Variants in FBXL18 observed in about 807,000 individuals in gnomAD.
FBXL18 encodes the protein F-box/LRR-repeat protein 18.
Under a neutral mutation model 46.0 loss-of-function variants are expected in FBXL18, and 36 were observed. The observed-to-expected ratio is 0.78, with a 90% CI of 0.60 to 1.03. The LOEUF (loss-of-function observed/expected upper bound fraction) is 1.03. Ranked by LOEUF, FBXL18 falls within the 50% of genes least tolerant of loss-of-function variation. The pLI is 0.00. For synonymous variants in FBXL18, 557 were observed against 465.3 expected, an observed-to-expected ratio of 1.20 and a Z score of -2.54; for missense variants, 977 against 1,004.1, an observed-to-expected ratio of 0.97 and a Z score of 0.36.
downstream of FBXL18, among the ~76,000 whole-genome samples, chr7:5,473,513 A>C (rs1013849834): frequency 6.6e-6 from 1 of 152,090 alleles, no homozygotes; most frequent in Non-Finnish European, 1.5e-5. Flanking sequence ...TGTAATCCCA[A>C]CACTTTGGGA....
intron 3 of FBXL18, among the ~76,000 whole-genome samples, chr7:5,498,371 C>T (rs558575998): frequency 5.5e-4 from 84 of 152,206 alleles, no homozygotes; most frequent in Non-Finnish European, 1.1e-3. Flanking sequence ...CAGGCGTGAG[C>T]CACGGCGCCC....
At chr7:5,510,316 A>G (rs1267665481) in intron 1 of FBXL18, among the ~76,000 whole-genome samples, 1 of 150,910 alleles carries the variant, frequency 6.6e-6, no homozygotes, top group Non-Finnish European at 1.5e-5. Flanking sequence ...AAAAAAAAAA[A>G]AAAAAGAAAA....
At chr7:5,491,142 G>A in intron 4 of FBXL18, 89 bp downstream of exon 4, 1 of 1,230,120 alleles carries the variant, frequency 8.1e-7, no homozygotes, top group South Asian at 1.4e-5. Flanking sequence ...GAAACCACTG[G>A]TAGGCACTCG....
chr7:5,503,962 G>A (rs539278629), intron 2 of FBXL18, among the ~76,000 whole-genome samples: 34 of 144,666 alleles, frequency 2.4e-4, no homozygotes, highest in Admixed American at 6.9e-4. Flanking sequence ...GTGAGACCTC[G>A]TTTCAAAAAA....
In FBXL18 at chr7:5,455,016, G is replaced by A. The variant is rs1783152966; in HGVS notation, c.2001-7173C>T. Among the ~76,000 whole-genome samples, 1 of 152,210 alleles carries A rather than the reference G, an allele frequency of 6.6e-6. No individual in the cohort carries two copies. Among genetic ancestry groups the A allele is most frequent in the Non-Finnish European group, 1.5e-5 (1 of 68,036 alleles). On this transcript the variant is annotated intron_variant and NMD_transcript_variant, in intron 4 of 6. Coordinates refer to the FBXL18 transcript ENST00000415009. This position sits in a 1 kb window ranked among gnomAD's most constrained non-coding sequence, Gnocchi z 4.6. ...CAGAGCCTGGAGGGTGGTGCTCTAAGAGTGATCCCAGTCACACTGGCACTC... is the reference window on the plus strand; with the variant it reads ...CAGAGCCTGGAGGGTGGTGCTCTAAAAGTGATCCCAGTCACACTGGCACTC...
intron 3 of FBXL18, among the ~76,000 whole-genome samples, chr7:5,492,548 AC>A (rs1562693436): frequency 1.3e-5 from 2 of 151,920 alleles, no homozygotes; most frequent in Non-Finnish European, 2.9e-5. Context: ...ACGCCCCCCC[AC>A]ACACACACTA....
At chr7:5,507,012 G>A (rs1348240065) in intron 1 of FBXL18, among the ~76,000 whole-genome samples, 3 of 152,206 alleles carry the variant, frequency 2.0e-5, no homozygotes, top group Admixed American at 2.0e-4. Flanking sequence ...CGGGGACAAA[G>A]GAAGGCAGAA....
chr7:5,484,283 C>T lies in FBXL18; in HGVS notation c.2001-2352G>A, dbSNP rs547505474. Among the ~76,000 whole-genome samples the T allele has an allele frequency of 1.5e-3, 227 of 151,950 alleles. 4 individuals carry two copies. Among genetic ancestry groups the T allele is most frequent in the Non-Finnish European group, 6.2e-4 (42 of 67,944 alleles). ...GAGATCAAGACCATCCTGGCTAACACGGTGAAACCCCGTCTCTACTAAAAA... is the reference window on the plus strand; with the variant it reads ...GAGATCAAGACCATCCTGGCTAACATGGTGAAACCCCGTCTCTACTAAAAA... On this transcript the variant is annotated intron_variant, in intron 4 of 4. Transcript: ENST00000382368.
At chr7:5,462,671 G>T (rs1783264517) in intron 4 of FBXL18, among the ~76,000 whole-genome samples, 1 of 151,854 alleles carries the variant, frequency 6.6e-6, no homozygotes, top group Admixed American at 6.6e-5. Flanking sequence ...AAATAATTTT[G>T]CCAGATGCAG....
intron 3 of FBXL18, among the ~76,000 whole-genome samples, chr7:5,499,745 GAAAAAAAA>G (rs1205205121): frequency 1.6e-3 from 180 of 115,782 alleles, no homozygotes; most frequent in South Asian, 2.6e-3. Flanking sequence ...AAAAAAAAAA[GAAAAAAAA>G]AAAAAAAGCA....
At position 5,455,571 on chromosome 7, in the gene FBXL18, G is replaced by C. The variant is rs971196599; in HGVS notation, c.2001-7728C>G. Among the ~76,000 whole-genome samples the C allele has an allele frequency of 4.6e-5, 7 of 152,084 alleles. No homozygotes were observed. The highest frequency in any genetic ancestry group is 7.4e-5 in the Non-Finnish European group (5 of 68,020). On this transcript the variant is annotated intron_variant and NMD_transcript_variant, in intron 4 of 6. Coordinates refer to the FBXL18 transcript ENST00000415009. The surrounding 1 kb of genome is among the most constrained non-coding windows in gnomAD (Gnocchi z 4.6). ...CAGGACAGTGCCATCCCCTCGGTGG[G>C]AATGGGCTCCTATTATGGGTTTGCA... is the stretch of plus-strand genomic sequence containing the variant.
chr7:5,468,728 G>A (rs1466096221), intron 4 of FBXL18, among the ~76,000 whole-genome samples: 1 of 152,012 alleles, frequency 6.6e-6, no homozygotes, highest in Non-Finnish European at 1.5e-5. Context: ...AGCCTCTCAA[G>A]TAGCTGAGAC....
chr7:5,463,705 T>TA (rs371252071), intron 4 of FBXL18, among the ~76,000 whole-genome samples: 9,896 of 68,330 alleles, frequency 0.14, 974 homozygotes, highest in African/African-American at 0.28. Context: ...TATATATATA[T>TA]TTATTTATTT....
At chr7:5,488,635 C>T (rs1043795033) in intron 4 of FBXL18, among the ~76,000 whole-genome samples, 1 of 152,208 alleles carries the variant, frequency 6.6e-6, no homozygotes, top group Admixed American at 6.5e-5. Context: ...AAAACACCCA[C>T]GCAGGAGGTG....
intron 4 of FBXL18, among the ~76,000 whole-genome samples, chr7:5,490,693 G>A (rs575700370): frequency 2.6e-5 from 4 of 152,332 alleles, no homozygotes; most frequent in South Asian, 2.1e-4. Context: ...GGCTGGGTGC[G>A]GTGGCTCATG....
chr7:5,461,767 C>G (rs1783249335), intron 4 of FBXL18, among the ~76,000 whole-genome samples: 1 of 152,024 alleles, frequency 6.6e-6, no homozygotes, highest in Admixed American at 6.6e-5. Context: ...ATGGTGAAAC[C>G]CTGTCTCTAC....
Position 5,480,507 on chromosome 7 carries a change from G to T in FBXL18, c.*1268C>A, listed in dbSNP as rs1160953293. 1.4e-5 allele frequency: 2 copies of T among 145,294 alleles called. No individual in the cohort carries two copies. The highest frequency in any genetic ancestry group is 3.0e-5 in the Non-Finnish European group (2 of 67,012). 9.0% of individuals were successfully genotyped at this position (145,294 alleles called of 1,614,324 possible). On this transcript the variant is annotated 3_prime_UTR_variant, in exon 5 of 5. Transcript: ENST00000382368. ...TGATCTCAAACTCCTGGGCTCAAGT[G>T]ATCCTCCCAAAGTGTGTTGAATATA...
Position 5,477,973 on chromosome 7 carries a change from C to A in FBXL18, c.*3802G>T, listed in dbSNP as rs1420766168. Reference sequence around the variant, plus strand: ...CTGGCCCCTCCACAAGCCCTCCAGGCCCACGCCTGAGCCCAGCCCCGGTCC... The same window carrying A: ...CTGGCCCCTCCACAAGCCCTCCAGGACCACGCCTGAGCCCAGCCCCGGTCC... On this transcript the variant is annotated 3_prime_UTR_variant, in exon 5 of 5. Transcript: ENST00000382368. This position sits in a 1 kb window ranked among gnomAD's most constrained non-coding sequence, Gnocchi z 4.4. 3 of 152,458 alleles carry A rather than the reference C, an allele frequency of 2.0e-5. No homozygotes were observed. Among genetic ancestry groups the A allele is most frequent in the Non-Finnish European group, 4.4e-5 (3 of 68,200 alleles). 9.4% of individuals were successfully genotyped at this position (152,458 alleles called of 1,614,324 possible).
chr7:5,495,000 G>A lies in FBXL18; in HGVS notation c.1782-3551C>T, dbSNP rs567333815. On this transcript the variant is annotated intron_variant, in intron 3 of 4. Transcript: ENST00000382368. Reference sequence around the variant, plus strand: ...ACTGGTCAGGCAGCGGGCCTGGCACGTCTAAAGCTTCCTAGGCTCCCACAG... The same window carrying A: ...ACTGGTCAGGCAGCGGGCCTGGCACATCTAAAGCTTCCTAGGCTCCCACAG... Among the ~76,000 whole-genome samples the A allele has an allele frequency of 7.2e-5, 11 of 152,324 alleles. No individual in the cohort carries two copies. In the South Asian group the frequency reaches 1.7e-3, roughly 23 times the overall value.
Sources: gnomAD v4.1 joint callset for allele counts (sites outside exome capture counted in the v4.1 genomes callset) on GRCh38, gnomAD v4.1.1 for gene constraint, Gnocchi (gnomAD v3.1) non-coding constraint, MANE v1.5 for transcripts, NCBI Gene and HGNC (gene_info 2026-07-23, HGNC 2026-07-21) for gene names.